Variants in ATP8A2 observed in about 807,000 individuals in gnomAD.
The protein encoded by ATP8A2 is ATPase phospholipid transporting 8A2.
Under a neutral mutation model 165.6 loss-of-function variants are expected in ATP8A2, and 100 were observed. The ratio of observed to expected loss-of-function variants is 0.60; its 90% CI spans 0.51 to 0.71. The LOEUF (loss-of-function observed/expected upper bound fraction) is 0.71, where lower values mean the gene tolerates loss of function less well. ATP8A2 is among the 30% of genes least tolerant of loss of function. The probability of loss-of-function intolerance (pLI) is 0.00; values close to 1 mark genes in which losing one functional copy is unlikely to be tolerated. For synonymous variants in ATP8A2, 543 were observed against 548.8 expected, an observed-to-expected ratio of 0.99 and a Z score of 0.15; for missense variants, 1,227 against 1,479.5, an observed-to-expected ratio of 0.83 and a Z score of 2.80.
At chr13:25,574,431 A>G (rs1444730238) in intron 18 of ATP8A2, among the ~76,000 whole-genome samples, 2 of 152,226 alleles carry the variant, frequency 1.3e-5, no homozygotes, top group Non-Finnish European at 2.9e-5. Flanking sequence ...GTGTACCAGC[A>G]TGTTACCCCA....
chr13:25,399,978 G>GAGAC (rs763204401), intron 1 of ATP8A2, among the ~76,000 whole-genome samples: 124,193 of 147,588 alleles, frequency 0.84, 52,405 homozygotes, highest in East Asian at 0.96. Context: ...TTCCTTTTTT[G>GAGAC]AGGAAGCCAT....
intron 1 of ATP8A2, among the ~76,000 whole-genome samples, chr13:25,398,456 G>A (rs149793816): frequency 2.6e-5 from 4 of 152,262 alleles, no homozygotes; most frequent in Non-Finnish European, 4.4e-5. Context: ...TGGCTGGGAG[G>A]GGATCCATTC....
At chr13:25,892,748 G>C (rs1953413581) in intron 33 of ATP8A2, among the ~76,000 whole-genome samples, 1 of 151,546 alleles carries the variant, frequency 6.6e-6, no homozygotes, top group South Asian at 2.1e-4. Context: ...GTCTGTGACT[G>C]TATGGGGCCA....
chr13:25,485,650 T>C (rs56232202), intron 2 of ATP8A2, among the ~76,000 whole-genome samples: 3,962 of 152,344 alleles, frequency 0.026, 177 homozygotes, highest in African/African-American at 0.09. Flanking sequence ...GGTTCTAGAC[T>C]GTGGCCGACG....
At chr13:25,437,824 A>C (rs921749173) in intron 1 of ATP8A2, among the ~76,000 whole-genome samples, 5 of 152,228 alleles carry the variant, frequency 3.3e-5, no homozygotes, top group African/African-American at 9.6e-5. Flanking sequence ...GCTTTGGAGA[A>C]GGAGTCAGAC....
chr13:25,466,447 A>G (rs2035671481), intron 1 of ATP8A2, among the ~76,000 whole-genome samples: 1 of 152,086 alleles, frequency 6.6e-6, no homozygotes, highest in East Asian at 1.9e-4. Context: ...CCCAGCACAA[A>G]GAGGCTGCTG....
chr13:25,870,104 C>T (rs978653550), intron 33 of ATP8A2, among the ~76,000 whole-genome samples: 2 of 152,184 alleles, frequency 1.3e-5, no homozygotes, highest in Admixed American at 6.5e-5. Flanking sequence ...CACTTGACAG[C>T]CCGGCTGTCC....
chr13:25,766,738 C>T (rs2044498606), intron 25 of ATP8A2, among the ~76,000 whole-genome samples: 1 of 152,206 alleles, frequency 6.6e-6, no homozygotes, highest in South Asian at 2.1e-4. Flanking sequence ...GCTGCAGCAT[C>T]CCCAGGGCAC....
At chr13:25,769,346 C>A in intron 26 of ATP8A2, 117 bp downstream of exon 26, 2 of 1,008,460 alleles carry the variant, frequency 2.0e-6, no homozygotes, top group Non-Finnish European at 2.9e-6. Context: ...CTTGAGGTTG[C>A]TGTCTAGATG....
At chr13:25,397,543 T>C (rs540933946) in intron 1 of ATP8A2, among the ~76,000 whole-genome samples, 53 of 152,148 alleles carry the variant, frequency 3.5e-4, no homozygotes, top group Non-Finnish European at 6.3e-4. Flanking sequence ...TATGGGTCCA[T>C]TTCTGGGGAC....
chr13:25,788,282 C>T (rs1295917245), intron 27 of ATP8A2, among the ~76,000 whole-genome samples: 1 of 152,214 alleles, frequency 6.6e-6, no homozygotes, highest in African/African-American at 2.4e-5. Context: ...TCCTCTTTGC[C>T]ATTTGCAGTA....
At chr13:25,791,428 G>A (rs1593352244) in intron 27 of ATP8A2, among the ~76,000 whole-genome samples, 2 of 152,074 alleles carry the variant, frequency 1.3e-5, no homozygotes, top group East Asian at 1.9e-4. Context: ...AATAACTAAT[G>A]GGTACTAGGC....
intron 27 of ATP8A2, among the ~76,000 whole-genome samples, chr13:25,796,556 G>A (rs1425353939): frequency 1.3e-5 from 2 of 152,172 alleles, no homozygotes; most frequent in African/African-American, 4.8e-5. Context: ...GACCTACTGG[G>A]GAAGAGCCAT....
chr13:25,836,485 A>G (rs1203186137), intron 28 of ATP8A2, among the ~76,000 whole-genome samples: 2 of 152,168 alleles, frequency 1.3e-5, no homozygotes, highest in Non-Finnish European at 2.9e-5. Flanking sequence ...TCTTTGGTGC[A>G]AGAATCCTTT....
chr13:25,637,263 A>G (rs1445533442), intron 24 of ATP8A2, among the ~76,000 whole-genome samples: 1 of 152,138 alleles, frequency 6.6e-6, no homozygotes, highest in Non-Finnish European at 1.5e-5. Context: ...CAGTAGGTGC[A>G]GGACAGTGGG....
At chr13:25,531,253 G>GATATATGTT (rs1566229108) in intron 4 of ATP8A2, among the ~76,000 whole-genome samples, 13 of 18,882 alleles carry the variant, frequency 6.9e-4, no homozygotes, top group African/African-American at 2.2e-3. Flanking sequence ...TGTTATATAT[G>GATATATGTT]ATATATATGA....
At chr13:25,383,138 C>T (rs552154907) in intron 1 of ATP8A2, among the ~76,000 whole-genome samples, 7 of 151,858 alleles carry the variant, frequency 4.6e-5, no homozygotes, top group Admixed American at 2.6e-4. Flanking sequence ...CTCCTCCTCC[C>T]GGGTTCAAGA....
At chr13:25,732,518 A>G (rs2043673866) in intron 25 of ATP8A2, among the ~76,000 whole-genome samples, 1 of 152,234 alleles carries the variant, frequency 6.6e-6, no homozygotes, top group African/African-American at 2.4e-5. Flanking sequence ...ATTTATTCTT[A>G]ATATGTAATT....
Position 25,492,113 on chromosome 13 carries a change from A to G in ATP8A2, c.221+22992A>G, listed in dbSNP as rs114381347. 2.2e-3 allele frequency among the ~76,000 whole-genome samples: 331 copies of G among 152,166 alleles called. 1 individual carries two copies. Among genetic ancestry groups the G allele is most frequent in the African/African-American group, 7.7e-3 (318 of 41,526 alleles). On this transcript the variant is annotated intron_variant, in intron 2 of 36. Coordinates refer to ENST00000381655, the MANE Select transcript of ATP8A2 (RefSeq NM_016529.6). ...ACTCTGTTGTCCAGGCTGGAGTGCCATGTTGTGATTTCGGCTCACTGCAAC... is the reference window on the plus strand; with the variant it reads ...ACTCTGTTGTCCAGGCTGGAGTGCCGTGTTGTGATTTCGGCTCACTGCAAC...
Sources: gnomAD v4.1 joint callset for allele counts (sites outside exome capture counted in the v4.1 genomes callset) on GRCh38, gnomAD v4.1.1 for gene constraint, MANE v1.5 for transcripts, NCBI Gene and HGNC (gene_info 2026-07-23, HGNC 2026-07-21) for gene names.